Variants in EPHA7 observed in about 807,000 individuals in gnomAD.
The protein encoded by EPHA7 is ephrin type-A receptor 7.
EPHA7 carries 25 observed loss-of-function variants against 112.6 expected under a neutral mutation model. That is an observed-to-expected ratio of 0.22 (90% confidence interval 0.16 to 0.31). The LOEUF is 0.31. Among genes scored for constraint, EPHA7 ranks in the 10% least tolerant of loss-of-function variants. The probability of loss-of-function intolerance (pLI) is 1.00; values close to 1 mark genes in which losing one functional copy is unlikely to be tolerated. For synonymous variants in EPHA7, 437 were observed against 406.5 expected, an observed-to-expected ratio of 1.07 and a Z score of -0.90; for missense variants, 962 against 1,212.6, an observed-to-expected ratio of 0.79 and a Z score of 3.07.
At chr6:93,416,432 T>C (rs1348813212) in intron 1 of EPHA7, among the ~76,000 whole-genome samples, 1 of 152,214 alleles carries the variant, frequency 6.6e-6, no homozygotes, top group African/African-American at 2.4e-5. Context: ...GCGAGATTAC[T>C]GTTTATTGCC....
At chr6:93,415,368 G>T (rs12214385) in intron 1 of EPHA7, among the ~76,000 whole-genome samples, 1 of 151,894 alleles carries the variant, frequency 6.6e-6, no homozygotes, top group Non-Finnish European at 1.5e-5. Context: ...TCAAGCATCA[G>T]TTTTTTCAGC....
chr6:93,411,186 A>G lies in EPHA7; in HGVS notation c.163-16T>C. 1 of 1,593,692 alleles carries G rather than the reference A, an allele frequency of 6.3e-7. No individual in the cohort carries two copies. The highest frequency in any genetic ancestry group is 1.3e-5 in the African/African-American group (1 of 74,142). ...TTTCTTCCCACTGTAAAATTTGAAAAAAGGTCATCAGTCATTCAGCAAAAA... is the reference window on the plus strand; with the variant it reads ...TTTCTTCCCACTGTAAAATTTGAAAGAAGGTCATCAGTCATTCAGCAAAAA... On this transcript the variant is annotated splice_polypyrimidine_tract_variant and intron_variant, in intron 2 of 16. Coordinates refer to ENST00000369303, the MANE Select transcript of EPHA7 (RefSeq NM_004440.4).
chr6:93,287,504 T>C (rs1384552330), intron 5 of EPHA7, among the ~76,000 whole-genome samples: 1 of 151,838 alleles, frequency 6.6e-6, no homozygotes, highest in East Asian at 1.9e-4. Context: ...CTCTTCTAGT[T>C]TTTCTCCTGT....
At chr6:93,338,708 C>G (rs1774994903) in intron 5 of EPHA7, among the ~76,000 whole-genome samples, 6 of 151,670 alleles carry the variant, frequency 4.0e-5, no homozygotes, top group South Asian at 2.1e-4. Context: ...AAACTTAAAA[C>G]AGCTACAGAG....
intron 6 of EPHA7, among the ~76,000 whole-genome samples, chr6:93,270,833 C>T (rs970764169): frequency 5.9e-5 from 9 of 151,736 alleles, no homozygotes; most frequent in Admixed American, 4.6e-4. Context: ...ACAAACATCA[C>T]GCATGCGTGC....
chr6:93,274,877 C>G (rs1385634584), intron 5 of EPHA7, among the ~76,000 whole-genome samples: 1 of 151,850 alleles, frequency 6.6e-6, no homozygotes, highest in African/African-American at 2.4e-5. Flanking sequence ...ACAAAAACAT[C>G]TCTAGCCTAG....
intron 5 of EPHA7, among the ~76,000 whole-genome samples, chr6:93,323,308 T>C (rs1774168352): frequency 6.6e-6 from 1 of 151,502 alleles, no homozygotes; most frequent in Non-Finnish European, 1.5e-5. Context: ...TGGAATCCAA[T>C]GGGGTAAAAC....
At chr6:93,273,823 C>G (rs549237235) in intron 5 of EPHA7, among the ~76,000 whole-genome samples, 2 of 152,120 alleles carry the variant, frequency 1.3e-5, no homozygotes, top group Admixed American at 6.6e-5. Context: ...TGACACATCT[C>G]TGTACCCAGA....
intron 3 of EPHA7, among the ~76,000 whole-genome samples, chr6:93,408,225 T>C (rs910021217): frequency 1.3e-5 from 2 of 152,072 alleles, no homozygotes; most frequent in African/African-American, 4.8e-5. Context: ...TCCTTTTTCA[T>C]ATCAATCAAG....
At position 93,245,328 on chromosome 6, in the gene EPHA7, G is replaced by C. The variant is rs141581954; in HGVS notation, c.2852C>G (p.Ser951Cys). The change falls in exon 16 of 17, where the codon TCC (serine) becomes TGC (cysteine). Residue 951 changes from serine to cysteine, a missense_variant. By Grantham distance (112) the Ser-to-Cys change is moderately radical. Transcript: ENST00000369303. The part of the protein sequence containing the change: ...KDNFTAAGYN[S>C]LESVARMTIE... ...AGTCATCCTGGCTACTGATTCAAGG[G>C]AATTGTAGCCAGCTGCCGTGAAATT... 6.2e-7 allele frequency: 1 copy of C among 1,613,148 alleles called. No individual in the cohort carries two copies. The highest frequency in any genetic ancestry group is 1.7e-4 in the Middle Eastern group (1 of 6,052).
At chr6:93,324,778 A>T (rs572599494) in intron 5 of EPHA7, among the ~76,000 whole-genome samples, 1 of 151,618 alleles carries the variant, frequency 6.6e-6, no homozygotes, top group East Asian at 1.9e-4. Flanking sequence ...AGGCAAACAA[A>T]CATAAAAGCA....
At chr6:93,298,393 A>G (rs1022466158) in intron 5 of EPHA7, among the ~76,000 whole-genome samples, 1 of 152,298 alleles carries the variant, frequency 6.6e-6, no homozygotes, top group African/African-American at 2.4e-5. Flanking sequence ...TTCAAACATC[A>G]TATCAGAGCC....
At chr6:93,296,932 T>G (rs1582470096) in intron 5 of EPHA7, among the ~76,000 whole-genome samples, 1 of 151,898 alleles carries the variant, frequency 6.6e-6, no homozygotes, top group South Asian at 2.1e-4. Flanking sequence ...GCTAAATGAG[T>G]AGATTTTACC....
intron 14 of EPHA7, among the ~76,000 whole-genome samples, chr6:93,251,624 A>AAATT (rs1770217458): frequency 4.8e-5 from 1 of 21,006 alleles, no homozygotes. Context: ...TAGAAGAAAA[A>AAATT]AAATCTATAT....
At chr6:93,347,291 T>C (rs1225230333) in intron 5 of EPHA7, among the ~76,000 whole-genome samples, 1 of 151,876 alleles carries the variant, frequency 6.6e-6, no homozygotes, top group African/African-American at 2.4e-5. Flanking sequence ...ACCATCAATG[T>C]ATCACCTTCT....
chr6:93,343,122 AACTTTAT>A (rs754116362), intron 5 of EPHA7, among the ~76,000 whole-genome samples: 23 of 151,770 alleles, frequency 1.5e-4, no homozygotes, highest in Non-Finnish European at 2.7e-4. Context: ...ACTTTTCCAA[AACTTTAT>A]ACTTTTTAAT....
At chr6:93,303,009 C>T (rs1438200127) in intron 5 of EPHA7, among the ~76,000 whole-genome samples, 1 of 152,110 alleles carries the variant, frequency 6.6e-6, no homozygotes, top group Non-Finnish European at 1.5e-5. Context: ...CTGCCATACA[C>T]ATAGAGCAAG....
At chr6:93,339,778 A>G (rs542533204) in intron 5 of EPHA7, among the ~76,000 whole-genome samples, 1 of 151,970 alleles carries the variant, frequency 6.6e-6, no homozygotes, top group South Asian at 2.1e-4. Flanking sequence ...TGGCATGTCA[A>G]TACATTGAAA....
intron 3 of EPHA7, among the ~76,000 whole-genome samples, chr6:93,369,438 TTTAA>T (rs1204366603): frequency 1.3e-5 from 2 of 152,214 alleles, no homozygotes; most frequent in Admixed American, 6.5e-5. Flanking sequence ...CAGAATATCA[TTTAA>T]TTGTCTGTTA....
Sources: gnomAD v4.1 joint callset for allele counts (sites outside exome capture counted in the v4.1 genomes callset) on GRCh38, gnomAD v4.1.1 for gene constraint, MANE v1.5 for transcripts, NCBI Gene and HGNC (gene_info 2026-07-23, HGNC 2026-07-21) for gene names.